The following FGF12 variants were observed in gnomAD, a reference collection of about 807,000 sequenced individuals.
FGF12 encodes the protein fibroblast growth factor 12.
A neutral mutation model predicts 23.6 loss-of-function variants in FGF12; 14 were observed. That is an observed-to-expected ratio of 0.59 (90% CI 0.39 to 0.93). FGF12 has a LOEUF of 0.93. Ranked by LOEUF, FGF12 falls within the 40% of genes least tolerant of loss-of-function variation. The pLI is 0.00. For synonymous variants in FGF12, 62 were observed against 77.3 expected, an observed-to-expected ratio of 0.80 and a Z score of 1.04; for missense variants, 175 against 217.8, an observed-to-expected ratio of 0.80 and a Z score of 1.24.
chr3:192,634,384 T>C (rs1005496811), intron 2 of FGF12, among the ~76,000 whole-genome samples: 1 of 152,146 alleles, frequency 6.6e-6, no homozygotes, highest in African/African-American at 2.4e-5. Context: ...TACATAGCAT[T>C]TACATTGTAT....
intron 4 of FGF12, among the ~76,000 whole-genome samples, chr3:192,246,919 A>G (rs571400616): frequency 9.7e-6 from 1 of 103,356 alleles, no homozygotes; most frequent in South Asian, 3.4e-4. Context: ...AAAGAGAAAA[A>G]GAAAGAAAGA....
At chr3:192,461,641 C>A (rs1302151426) in intron 2 of FGF12, among the ~76,000 whole-genome samples, 1 of 151,962 alleles carries the variant, frequency 6.6e-6, no homozygotes, top group Non-Finnish European at 1.5e-5. Context: ...GTTATCTGAC[C>A]CTAAACAGAA....
chr3:192,381,849 G>A (rs1423506469), intron 2 of FGF12, among the ~76,000 whole-genome samples: 1 of 152,140 alleles, frequency 6.6e-6, no homozygotes, highest in African/African-American at 2.4e-5. Context: ...CTGGACAGTG[G>A]CCCAAAGAGG....
chr3:192,373,433 T>C (rs1719333994), intron 2 of FGF12, among the ~76,000 whole-genome samples: 1 of 152,178 alleles, frequency 6.6e-6, no homozygotes, highest in Non-Finnish European at 1.5e-5. Context: ...ACTTACAAGC[T>C]ATTTTTAATA....
chr3:192,203,133 TTGTGTGTGTGTG>T (rs57503863), intron 4 of FGF12, among the ~76,000 whole-genome samples: 1 of 148,190 alleles, frequency 6.7e-6, no homozygotes, highest in Non-Finnish European at 1.5e-5. Context: ...CATTAAATAT[TTGTGTGTGTGTG>T]TGTGTGTGTG....
intron 4 of FGF12, among the ~76,000 whole-genome samples, chr3:192,329,588 A>G (rs1717002314): frequency 6.6e-6 from 1 of 152,196 alleles, no homozygotes; most frequent in African/African-American, 2.4e-5. Flanking sequence ...TCGAGGGCTT[A>G]CTTGGGTTTT....
chr3:192,711,448 A>G (rs1290290833), intron 2 of FGF12, among the ~76,000 whole-genome samples: 2 of 151,548 alleles, frequency 1.3e-5, no homozygotes, highest in Non-Finnish European at 3.0e-5. Context: ...TGGGAGGTGT[A>G]CCCAACAGCT....
intron 2 of FGF12, among the ~76,000 whole-genome samples, chr3:192,424,086 C>CAA (rs5855425): frequency 0.011 from 1,642 of 147,482 alleles, 29 homozygotes; most frequent in African/African-American, 0.037. Context: ...ATAAAGTCTT[C>CAA]AAAAAAAAAA....
chr3:192,418,384 T>C (rs1401918342), intron 2 of FGF12, among the ~76,000 whole-genome samples: 2 of 152,150 alleles, frequency 1.3e-5, no homozygotes, highest in African/African-American at 2.4e-5. Flanking sequence ...ATTAACAGTA[T>C]GATGTCAGTC....
chr3:192,211,512 G>A (rs9866527), intron 4 of FGF12, among the ~76,000 whole-genome samples: 20,173 of 151,908 alleles, frequency 0.13, 1,461 homozygotes, highest in African/African-American at 0.2. Flanking sequence ...TGCAAGCTCC[G>A]CCTCCCAGGT....
rs115610365 is a variant in FGF12, at chr3:192,600,890, G to A, written c.13+126291C>T. 4.7e-3 allele frequency among the ~76,000 whole-genome samples: 716 copies of A among 152,148 alleles called. 4 individuals carry two copies. The highest frequency in any genetic ancestry group is 8.2e-3 in the Non-Finnish European group (555 of 67,986). ...ACACCGCTATGGAAAACAGTATGGA[G>A]GTTCCTCAAAAAACTACAAATAGAA... On this transcript the variant is annotated intron_variant, in intron 2 of 5. Transcript: ENST00000445105.
chr3:192,653,626 C>G (rs1716290506), intron 2 of FGF12, among the ~76,000 whole-genome samples: 1 of 151,734 alleles, frequency 6.6e-6, no homozygotes, highest in African/African-American at 2.4e-5. Flanking sequence ...AACCTTGAAG[C>G]AAATAATTTC....
intron 2 of FGF12, among the ~76,000 whole-genome samples, chr3:192,535,862 T>C (rs1725211144): frequency 6.6e-6 from 1 of 152,274 alleles, no homozygotes; most frequent in Non-Finnish European, 1.5e-5. Context: ...GCAAGTGTTC[T>C]AGAGCTCATT....
intron 2 of FGF12, among the ~76,000 whole-genome samples, chr3:192,631,305 G>C (rs935653532): frequency 6.6e-6 from 1 of 152,128 alleles, no homozygotes; most frequent in Non-Finnish European, 1.5e-5. Flanking sequence ...GGATATTTGA[G>C]ACTAACTGTG....
intron 4 of FGF12, among the ~76,000 whole-genome samples, chr3:192,246,645 G>A (rs1398334067): frequency 3.3e-5 from 5 of 151,838 alleles, no homozygotes; most frequent in African/African-American, 4.8e-5. Context: ...ACAACATGGC[G>A]AAACCCCATC....
At chr3:192,224,698 C>T (rs1000860752) in intron 4 of FGF12, among the ~76,000 whole-genome samples, 5 of 151,840 alleles carry the variant, frequency 3.3e-5, no homozygotes, top group Non-Finnish European at 5.9e-5. Flanking sequence ...CATAGTCCTA[C>T]CTCAGAAAAT....
At chr3:192,597,398 T>G (rs1445676310) in intron 2 of FGF12, among the ~76,000 whole-genome samples, 2 of 152,210 alleles carry the variant, frequency 1.3e-5, no homozygotes, top group African/African-American at 4.8e-5. Flanking sequence ...CCAGCATGTA[T>G]TACCATCATG....
rs149361996 is a variant in FGF12 at position 192,706,978 on chromosome 3, A to C, written c.13+20203T>G. Among the ~76,000 whole-genome samples, 548 of 152,338 alleles carry C rather than the reference A, an allele frequency of 3.6e-3. 2 individuals carry two copies. The highest frequency in any genetic ancestry group is 0.012 in the African/African-American group (489 of 41,576). ...TAACCCATGCAAAAGTAACAGATGAATTGTTGAGGAAAAGGACAAGACAGT... is the reference window on the plus strand; with the variant it reads ...TAACCCATGCAAAAGTAACAGATGACTTGTTGAGGAAAAGGACAAGACAGT... On this transcript the variant is annotated intron_variant, in intron 2 of 5. Coordinates refer to ENST00000445105, the MANE Select transcript of FGF12 (RefSeq NM_004113.6).
At chr3:192,529,680 G>C (rs181522752) in intron 2 of FGF12, among the ~76,000 whole-genome samples, 2 of 152,224 alleles carry the variant, frequency 1.3e-5, no homozygotes, top group Admixed American at 1.3e-4. Flanking sequence ...CACCTGGCTC[G>C]GGGGGCATCA....
Sources: allele counts gnomAD v4.1 joint callset (sites outside exome capture counted in the v4.1 genomes callset), GRCh38; gene constraint gnomAD v4.1.1; transcripts MANE v1.5; gene names NCBI Gene and HGNC (gene_info 2026-07-23, HGNC 2026-07-21).